RYR3: variants seen among roughly 807,000 people sequenced by gnomAD.
The protein encoded by RYR3 is ryanodine receptor 3, also known as brain ryanodine receptor-calcium release channel.
RYR3 carries 207 observed loss-of-function variants against 584.3 expected under a neutral mutation model. The ratio of observed to expected loss-of-function variants is 0.35; its 90% CI spans 0.32 to 0.40. RYR3 has a LOEUF of 0.40. RYR3 is among the 10% of genes least tolerant of loss of function. The pLI is 1.00. For synonymous variants in RYR3, 2,416 were observed against 2,248.5 expected, an observed-to-expected ratio of 1.07 and a Z score of -2.11; for missense variants, 5,616 against 6,089.2, an observed-to-expected ratio of 0.92 and a Z score of 2.59.
At chr15:33,704,903 A>G (rs2066576594) in intron 42 of RYR3, among the ~76,000 whole-genome samples, 1 of 152,206 alleles carries the variant, frequency 6.6e-6, no homozygotes, top group South Asian at 2.1e-4. Context: ...GGCTTAGCAC[A>G]CTGCTATAGA....
chr15:33,506,214 T>A (rs972169223), intron 3 of RYR3, among the ~76,000 whole-genome samples: 6 of 152,158 alleles, frequency 3.9e-5, no homozygotes, highest in African/African-American at 1.4e-4. Flanking sequence ...AAAATTGAGC[T>A]CTTCATTTTA....
intron 51 of RYR3, among the ~76,000 whole-genome samples, chr15:33,741,982 A>T (rs183655820): frequency 5.9e-5 from 9 of 152,288 alleles, no homozygotes; most frequent in Non-Finnish European, 1.2e-4. Flanking sequence ...TTCATAACAT[A>T]CGGCTCTCTG....
At chr15:33,800,655 G>C in intron 67 of RYR3, 115 bp from the exon 68 acceptor site, 1 of 689,152 alleles carries the variant, frequency 1.5e-6, no homozygotes, top group Non-Finnish European at 2.6e-6. Context: ...TTTCATATGA[G>C]AATGCAGTTT....
intron 1 of RYR3, among the ~76,000 whole-genome samples, chr15:33,379,687 C>CTCTCTCTCTCTCTATA: frequency 1.6e-5 from 2 of 125,522 alleles, no homozygotes; most frequent in African/African-American, 7.1e-5. Context: ...CTCTCTCTCT[C>CTCTCTCTCTCTCTATA]TATATATATA....
At position 33,785,593 on chromosome 15, in the gene RYR3, G is replaced by C. The variant is rs1467349386; in HGVS notation, c.9269-69G>C. The C allele has an allele frequency of 5.7e-6, 7 of 1,238,000 alleles. No homozygotes were observed. The East Asian group carries it at 1.8e-4, about 31-fold the overall frequency. 76.7% of individuals were successfully genotyped at this position (1,238,000 alleles called of 1,614,324 possible). On this transcript the variant is annotated intron_variant, in intron 65 of 103. Transcript: ENST00000634891. Reference sequence around the variant, plus strand: ...TCCTAAAGACCAAAGGAAAGGAGGGGCAGAGAGAAGGAAGCTTGCACCCAC... The same window carrying C: ...TCCTAAAGACCAAAGGAAAGGAGGGCCAGAGAGAAGGAAGCTTGCACCCAC...
chr15:33,417,544 T>C (rs928901196), intron 1 of RYR3, among the ~76,000 whole-genome samples: 19 of 152,226 alleles, frequency 1.2e-4, no homozygotes, highest in African/African-American at 4.6e-4. Context: ...TTTTGTATCC[T>C]GAGACTTTGC....
intron 95 of RYR3, 49 bp from the exon 96 acceptor site, chr15:33,853,506 T>C: frequency 1.3e-6 from 2 of 1,594,148 alleles, no homozygotes; most frequent in East Asian, 2.2e-5. Context: ...CTAGAAAATA[T>C]TTGGTGGTGG....
intron 3 of RYR3, among the ~76,000 whole-genome samples, chr15:33,518,465 C>T (rs553139359): frequency 6.6e-6 from 1 of 152,170 alleles, no homozygotes; most frequent in South Asian, 2.1e-4. Flanking sequence ...GGCCGCTCCC[C>T]CTCCTCTCGC....
At chr15:33,407,034 T>C (rs2043072217) in intron 1 of RYR3, among the ~76,000 whole-genome samples, 1 of 152,222 alleles carries the variant, frequency 6.6e-6, no homozygotes, top group African/African-American at 2.4e-5. Context: ...GCTCTCTGCT[T>C]CCAAGATGAC....
intron 1 of RYR3, among the ~76,000 whole-genome samples, chr15:33,389,984 G>A (rs1417249359): frequency 1.3e-5 from 2 of 152,194 alleles, no homozygotes; most frequent in Non-Finnish European, 2.9e-5. Flanking sequence ...AAGTTACAAT[G>A]AAGAGGGCCA....
At chr15:33,442,090 G>A (rs1034536298) in intron 1 of RYR3, among the ~76,000 whole-genome samples, 1 of 152,200 alleles carries the variant, frequency 6.6e-6, no homozygotes, top group African/African-American at 2.4e-5. Flanking sequence ...TGGTATTAGT[G>A]TCAGTGAGTG....
chr15:33,649,000 C>T (rs1566870253), intron 30 of RYR3, 72 bp from the exon 31 acceptor site: 1 of 1,457,558 alleles, frequency 6.9e-7, no homozygotes, highest in Admixed American at 1.9e-5. Context: ...GTTATTTCTG[C>T]CTCTTGGGCC....
rs374951344 is a variant in RYR3, at chr15:33,349,285, G to A, written c.51+38189G>A. Among the ~76,000 whole-genome samples the A allele has an allele frequency of 2.6e-5, 4 of 152,042 alleles. No homozygotes were observed. The South Asian group carries it at 8.3e-4, about 32-fold the overall frequency. ...GTAGACATAAGGTTTCAGCCTAATT[G>A]GGTAAATTCCTAGGAGCGTGAATGC... On this transcript the variant is annotated intron_variant, in intron 1 of 103. Coordinates refer to ENST00000634891, the MANE Select transcript of RYR3 (RefSeq NM_001036.6).
intron 43 of RYR3, among the ~76,000 whole-genome samples, chr15:33,716,217 T>C (rs760994405): frequency 6.6e-6 from 1 of 152,212 alleles, no homozygotes; most frequent in Non-Finnish European, 1.5e-5. Flanking sequence ...ATGAGCCAAT[T>C]AAACCTCTTT....
chr15:33,528,044 G>A (rs558395217), intron 3 of RYR3, among the ~76,000 whole-genome samples: 13 of 152,130 alleles, frequency 8.5e-5, no homozygotes, highest in East Asian at 1.9e-4. Flanking sequence ...CTCACCCCTC[G>A]TAATGCTTTC....
intron 1 of RYR3, among the ~76,000 whole-genome samples, chr15:33,447,666 G>A (rs1406908087): frequency 6.6e-6 from 1 of 152,090 alleles, no homozygotes; most frequent in Non-Finnish European, 1.5e-5. Flanking sequence ...GCTAGGCAAA[G>A]TTAAATTAAA....
intron 43 of RYR3, among the ~76,000 whole-genome samples, chr15:33,713,368 A>AG (rs1255620469): frequency 6.6e-6 from 1 of 151,596 alleles, no homozygotes; most frequent in Non-Finnish European, 1.5e-5. Flanking sequence ...AGGGTGACTG[A>AG]GGTGGGTGGT....
In RYR3 at chr15:33,603,226, G is replaced by C. The variant is rs1567641256; in HGVS notation, c.2026G>C (p.Glu676Gln). Residue 676 changes from glutamate to glutamine, a missense_variant, in exon 18 of 104, where the codon GAG becomes CAG. Glu to Gln is a conservative substitution (Grantham distance 29). Coordinates refer to ENST00000634891, the MANE Select transcript of RYR3 (RefSeq NM_001036.6). Reference protein sequence around the residue: ...IDQVDPFLTAEPTHLRVGWAS... With the variant: ...IDQVDPFLTAQPTHLRVGWAS... ...CCAGGTGGACCCCTTCCTAACAGCA[G>C]AGCCCACACATCTGCGGGTGGGCTG... is the stretch of plus-strand genomic sequence containing the variant. 6.2e-7 allele frequency: 1 copy of C among 1,613,916 alleles called. No individual in the cohort carries two copies. The highest frequency in any genetic ancestry group is 8.5e-7 in the Non-Finnish European group (1 of 1,179,860).
At chr15:33,452,103 C>T (rs557940075) in intron 1 of RYR3, among the ~76,000 whole-genome samples, 11 of 152,334 alleles carry the variant, frequency 7.2e-5, no homozygotes, top group African/African-American at 2.4e-4. Flanking sequence ...GTGTGTTTGC[C>T]TCTTTCAGAA....
Sources: gnomAD v4.1 joint callset for allele counts (sites outside exome capture counted in the v4.1 genomes callset) on GRCh38, gnomAD v4.1.1 for gene constraint, MANE v1.5 for transcripts, NCBI Gene and HGNC (gene_info 2026-07-23, HGNC 2026-07-21) for gene names.